The following GPR107 variants were observed in gnomAD, a reference collection of about 807,000 sequenced individuals.
GPR107 encodes the protein protein GPR107.
A neutral mutation model predicts 75.5 loss-of-function variants in GPR107; 31 were observed. That is an observed-to-expected ratio of 0.41 (90% confidence interval 0.31 to 0.55). The LOEUF is 0.55. Among genes scored for constraint, GPR107 ranks in the 20% least tolerant of loss-of-function variants. The pLI is 0.26. For missense variants in GPR107, 572 were observed against 665.7 expected, an observed-to-expected ratio of 0.86 and a Z score of 1.55; for synonymous variants, 267 against 251.3, an observed-to-expected ratio of 1.06 and a Z score of -0.59.
chr9:130,076,489 C>G, intron 3 of GPR107, 27 bp downstream of exon 3: 2 of 1,384,508 alleles, frequency 1.4e-6, no homozygotes, highest in Non-Finnish European at 2.1e-6. Flanking sequence ...TGACCTGATT[C>G]ATCTCTTCAC....
intron 12 of GPR107, among the ~76,000 whole-genome samples, chr9:130,102,060 G>GT (rs1166371912): frequency 2.6e-5 from 4 of 152,196 alleles, no homozygotes; most frequent in Non-Finnish European, 5.9e-5. Context: ...GAATGGGACA[G>GT]GCCAGTTGCT....
intron 9 of GPR107, among the ~76,000 whole-genome samples, chr9:130,094,234 G>A (rs947590421): frequency 1.3e-5 from 2 of 152,144 alleles, no homozygotes; most frequent in African/African-American, 2.4e-5. Context: ...CATGAGGTCA[G>A]GAGATCGAGA....
chr9:130,092,493 A>G (rs1246618911), intron 9 of GPR107, 112 bp downstream of exon 9: 1 of 844,978 alleles, frequency 1.2e-6, no homozygotes, highest in Non-Finnish European at 2.0e-6. Context: ...GTTCCTTTCA[A>G]AGGGCATCTT....
intron 1 of GPR107, among the ~76,000 whole-genome samples, chr9:130,062,631 T>C (rs555171685): frequency 0.01 from 688 of 66,424 alleles, 10 homozygotes; most frequent in African/African-American, 0.032. Flanking sequence ...CCTTCCTGCC[T>C]TCCTGCCTGC....
Position 130,053,995 on chromosome 9 carries a change from C to T in GPR107, c.63C>T (p.Leu21=), listed in dbSNP as rs1386060062. ...GCGGTCCTAGGCTGGCCGCGGGCCT[C>T]CGGCTGCTCCCAATGCTGGGTTTGC... ...ASRGPRLAAG[L]RLLPMLGLLQ... The change falls in exon 1 of 18, where the codon CTC becomes CTT. Residue 21 remains leucine (L), a synonymous_variant. Coordinates refer to ENST00000347136, the MANE Select transcript of GPR107 (RefSeq NM_020960.5). The T allele has an allele frequency of 1.3e-6, 2 of 1,552,838 alleles. No homozygotes were observed. The highest frequency in any genetic ancestry group is 1.4e-5 in the African/African-American group (1 of 73,250).
intron 14 of GPR107, chr9:130,110,222 C>A: frequency 3.4e-6 from 2 of 595,994 alleles, no homozygotes; most frequent in South Asian, 2.0e-5. Context: ...TAGTAAGGTG[C>A]TCTGTCTGGA....
chr9:130,073,430 C>T (rs1008168266), intron 1 of GPR107, among the ~76,000 whole-genome samples: 2 of 152,268 alleles, frequency 1.3e-5, no homozygotes, highest in South Asian at 2.1e-4. Context: ...GGCTGGGAGC[C>T]TTAGCTTTTC....
At chr9:130,075,794 T>G in intron 2 of GPR107, 45 bp downstream of exon 2, 1 of 1,024,000 alleles carries the variant, frequency 9.8e-7, no homozygotes, top group Non-Finnish European at 1.5e-6. Flanking sequence ...CTTTTTTTTT[T>G]TTTTTTGAGA....
chr9:130,107,579 T>A, intron 14 of GPR107, 40 bp downstream of exon 14: 1 of 1,366,124 alleles, frequency 7.3e-7, no homozygotes, highest in Non-Finnish European at 1.0e-6. Context: ...CTCAGCTTGC[T>A]CTGAACCCAC....
At chr9:130,113,977 T>C (rs1175968081) in intron 14 of GPR107, among the ~76,000 whole-genome samples, 1 of 151,688 alleles carries the variant, frequency 6.6e-6, no homozygotes, top group East Asian at 1.9e-4. Flanking sequence ...AGCTGCATGT[T>C]ATTAAGCTAG....
intron 12 of GPR107, 119 bp downstream of exon 12, chr9:130,101,342 A>C: frequency 1.5e-6 from 1 of 688,934 alleles, no homozygotes. Context: ...CTGCTAGTGG[A>C]GGTTGAAGAC....
At chr9:130,082,073 A>G (rs1003620136) in intron 5 of GPR107, among the ~76,000 whole-genome samples, 7 of 151,814 alleles carry the variant, frequency 4.6e-5, no homozygotes, top group Non-Finnish European at 8.8e-5. Flanking sequence ...GAGGTGCCAC[A>G]CTCTTTTAAA....
intron 15 of GPR107, among the ~76,000 whole-genome samples, chr9:130,126,630 G>A (rs950263545): frequency 2.6e-5 from 4 of 152,136 alleles, no homozygotes; most frequent in East Asian, 3.9e-4. Flanking sequence ...GATTATAGGC[G>A]TGAGCCATCG....
At chr9:130,078,156 C>G (rs536962948) in intron 4 of GPR107, among the ~76,000 whole-genome samples, 2 of 149,768 alleles carry the variant, frequency 1.3e-5, no homozygotes, top group South Asian at 4.2e-4. Context: ...GAGAGTGAGA[C>G]TCCGTCTCAA....
chr9:130,100,311 A>G (rs1231461607), intron 10 of GPR107, among the ~76,000 whole-genome samples: 2 of 152,228 alleles, frequency 1.3e-5, no homozygotes, highest in Non-Finnish European at 2.9e-5. Flanking sequence ...TGGAGGCATG[A>G]GAATTGAGCC....
At chr9:130,085,771 T>TTTTTTTTTTTTTTTTTTTTTTTGG (rs1830600791) in intron 6 of GPR107, among the ~76,000 whole-genome samples, 1 of 133,506 alleles carries the variant, frequency 7.5e-6, no homozygotes, top group Non-Finnish European at 1.7e-5. Flanking sequence ...TTTTTTTTTT[T>TTTTTTTTTTTTTTTTTTTTTTTGG]GCCGGGGGGA....
rs1345775434 is a variant in GPR107, at chr9:130,135,416, TTTC to T, written c.*302_*304del. The stretch of plus-strand genomic sequence containing the variant: ...TTCATTTTTAATTTAGGTTTCTTTT[TTTC>T]TTCTTCATTTCGGAGCTCTAAGGTG... On this transcript the variant is annotated 3_prime_UTR_variant, in exon 18 of 18. Coordinates refer to ENST00000347136, the MANE Select transcript of GPR107 (RefSeq NM_020960.5). The T allele has an allele frequency of 3.2e-5, 10 of 315,932 alleles. No homozygotes were observed. The highest frequency in any genetic ancestry group is 1.9e-4 in the Admixed American group (4 of 21,198). 19.6% of individuals were successfully genotyped at this position (315,932 alleles called of 1,614,324 possible).
chr9:130,124,710 C>A (rs568220125), intron 14 of GPR107, among the ~76,000 whole-genome samples: 3 of 152,232 alleles, frequency 2.0e-5, no homozygotes, highest in Non-Finnish European at 4.4e-5. Context: ...ATGGGGCTCA[C>A]TGGGGCTGTG....
intron 13 of GPR107, among the ~76,000 whole-genome samples, chr9:130,107,255 G>A (rs1453200043): frequency 1.3e-5 from 2 of 152,124 alleles, no homozygotes; most frequent in African/African-American, 4.8e-5. Context: ...TTCTCCTCAC[G>A]CTCTGGTCCC....
Sources: allele counts gnomAD v4.1 joint callset (sites outside exome capture counted in the v4.1 genomes callset), GRCh38; gene constraint gnomAD v4.1.1; transcripts MANE v1.5; gene names NCBI Gene and HGNC (gene_info 2026-07-23, HGNC 2026-07-21).